CREB3L1: variants seen among roughly 807,000 people sequenced by gnomAD.
CREB3L1 encodes the protein cyclic AMP-responsive element-binding protein 3-like protein 1.
CREB3L1 carries 33 observed loss-of-function variants against 54.5 expected under a neutral mutation model. That is an observed-to-expected ratio of 0.61 (90% CI 0.46 to 0.81). The LOEUF (loss-of-function observed/expected upper bound fraction) is 0.81, where lower values mean the gene tolerates loss of function less well. Among genes scored for constraint, CREB3L1 ranks in the 30% least tolerant of loss-of-function variants. The pLI is 0.00. For missense variants in CREB3L1, 656 were observed against 673.3 expected (o/e 0.97, Z 0.29); for synonymous variants, 284 against 286.4 (o/e 0.99, Z 0.08).
chr11:46,294,470 T>C (rs541322094), intron 1 of CREB3L1, among the ~76,000 whole-genome samples: 2 of 152,264 alleles, frequency 1.3e-5, no homozygotes, highest in African/African-American at 4.8e-5. Context: ...ACACAGACTG[T>C]AATGGATGAG....
intron 8 of CREB3L1, among the ~76,000 whole-genome samples, chr11:46,313,485 G>A (rs748522441): frequency 6.6e-6 from 1 of 152,088 alleles, no homozygotes; most frequent in African/African-American, 2.4e-5. Context: ...TTAGGAGTTC[G>A]AGACCAGACT....
At position 46,321,021 on chromosome 11, in the gene CREB3L1, G is replaced by A. The variant is rs564182031; in HGVS notation, c.*275G>A. The A allele has an allele frequency of 1.1e-4, 67 of 613,810 alleles. No individual in the cohort carries two copies. The highest frequency in any genetic ancestry group is 1.0e-3 in the African/African-American group (55 of 55,112). 38.0% of individuals were successfully genotyped at this position (613,810 alleles called of 1,614,324 possible). A position where few individuals can be genotyped will look rare whatever the true frequency, so the allele number is the denominator to read the frequency against. On this transcript the variant is annotated 3_prime_UTR_variant, in exon 12 of 12. Coordinates refer to ENST00000621158, the MANE Select transcript of CREB3L1 (RefSeq NM_052854.4). ...ACCTCCTCTCTCATATGCCCAACAC[G>A]ACCACTGCCTCCCTGCCCCCACACC...
At position 46,281,480 on chromosome 11, in the gene CREB3L1, G is replaced by A. The variant is rs1047910675; in HGVS notation, c.102+3267G>A. 3.7e-4 allele frequency among the ~76,000 whole-genome samples: 56 copies of A among 152,364 alleles called. No homozygotes were observed. The Middle Eastern group carries it at 0.01, about 28-fold the overall frequency. On this transcript the variant is annotated intron_variant, in intron 1 of 11. Coordinates refer to ENST00000621158, the MANE Select transcript of CREB3L1 (RefSeq NM_052854.4). ...AGCTGGGAGGGTGTGGGGAGGAGAAGGAGGAGGAAGAAAAGGTCTGTTTTC... is the reference window on the plus strand; with the variant it reads ...AGCTGGGAGGGTGTGGGGAGGAGAAAGAGGAGGAAGAAAAGGTCTGTTTTC...
intron 1 of CREB3L1, among the ~76,000 whole-genome samples, chr11:46,287,790 A>G (rs563616001): frequency 1.6e-4 from 24 of 152,122 alleles, no homozygotes; most frequent in Admixed American, 2.6e-4. Context: ...AGCCTGACCA[A>G]CATGGTGAAA....
Position 46,278,824 on chromosome 11 carries a change from T to A in CREB3L1, c.102+611T>A, listed in dbSNP as rs1938922021. Among the ~76,000 whole-genome samples the A allele has an allele frequency of 6.6e-6, 1 of 152,154 alleles. No homozygotes were observed. The highest frequency in any genetic ancestry group is 1.5e-5 in the Non-Finnish European group (1 of 68,012). ...GCTCAGGAGGAGGGAGCCATTTCTC[T>A]CCATCTGCCTCTAGATCTCTGCTCT... On this transcript the variant is annotated intron_variant, in intron 1 of 11. Transcript: ENST00000621158. This position sits in a 1 kb window ranked among gnomAD's most constrained non-coding sequence, Gnocchi z 4.2.
intron 1 of CREB3L1, among the ~76,000 whole-genome samples, chr11:46,297,592 G>T (rs1003486375): frequency 1.3e-5 from 2 of 151,882 alleles, no homozygotes; most frequent in African/African-American, 4.8e-5. Flanking sequence ...CATTTGTCTT[G>T]TCTCATTGGA....
At chr11:46,319,694 C>T (rs1939618434) in intron 10 of CREB3L1, among the ~76,000 whole-genome samples, 1 of 152,048 alleles carries the variant, frequency 6.6e-6, no homozygotes, top group South Asian at 2.1e-4. Context: ...GCCTGGCCAA[C>T]ATGGTGAAAC....
At chr11:46,311,802 T>C (rs1301610365) in intron 5 of CREB3L1, among the ~76,000 whole-genome samples, 2 of 152,184 alleles carry the variant, frequency 1.3e-5, no homozygotes, top group Admixed American at 6.5e-5. Flanking sequence ...GGTCAGGAAT[T>C]CAAATCCTTT....
At chr11:46,309,790 C>T in intron 3 of CREB3L1, among the ~76,000 whole-genome samples, 199 bp from the exon 4 acceptor site, 1 of 152,222 alleles carries the variant, frequency 6.6e-6, no homozygotes, top group East Asian at 1.9e-4. Flanking sequence ...GCCAGCAATC[C>T]TTTCTCTTAG....
At chr11:46,309,869 G>A in intron 3 of CREB3L1, 120 bp from the exon 4 acceptor site, 2 of 748,896 alleles carry the variant, frequency 2.7e-6, no homozygotes, top group Non-Finnish European at 4.5e-6. Context: ...AGAACTCCAA[G>A]CCCAGCCACT....
intron 10 of CREB3L1, among the ~76,000 whole-genome samples, chr11:46,317,967 C>T (rs1939590986): frequency 6.6e-6 from 1 of 152,178 alleles, no homozygotes; most frequent in Admixed American, 6.5e-5. Flanking sequence ...CCTGTAATCC[C>T]AGCACTTTGG....
chr11:46,305,212 T>C (rs1939362464), intron 2 of CREB3L1, among the ~76,000 whole-genome samples: 1 of 152,142 alleles, frequency 6.6e-6, no homozygotes, highest in African/African-American at 2.4e-5. Context: ...AGTGGAAGAC[T>C]GTGGGCACCC....
intron 1 of CREB3L1, among the ~76,000 whole-genome samples, chr11:46,287,540 A>G (rs1404136043): frequency 6.6e-6 from 1 of 151,848 alleles, no homozygotes; most frequent in Non-Finnish European, 1.5e-5. Flanking sequence ...AGCTCAAGCG[A>G]TCCTCCCTCC....
intron 3 of CREB3L1, among the ~76,000 whole-genome samples, chr11:46,308,643 C>T (rs1939438755): frequency 6.6e-6 from 1 of 152,226 alleles, no homozygotes; most frequent in Non-Finnish European, 1.5e-5. Context: ...CTCATGAACC[C>T]CCTAAGGTGC....
intron 1 of CREB3L1, among the ~76,000 whole-genome samples, chr11:46,282,587 C>G (rs1157092867): frequency 6.6e-6 from 1 of 152,220 alleles, no homozygotes; most frequent in Non-Finnish European, 1.5e-5. Flanking sequence ...TTCCCCCAGT[C>G]TGTCCATCTC....
At chr11:46,305,862 C>T (rs558732899) in intron 2 of CREB3L1, among the ~76,000 whole-genome samples, 187 of 150,674 alleles carry the variant, frequency 1.2e-3, no homozygotes, top group African/African-American at 4.3e-3. Flanking sequence ...CTCAGCGTCC[C>T]GAGTAGCTGG....
intron 2 of CREB3L1, among the ~76,000 whole-genome samples, chr11:46,307,437 A>C (rs1010916658): frequency 3.9e-5 from 6 of 152,144 alleles, no homozygotes; most frequent in Admixed American, 3.3e-4. Flanking sequence ...TCACAGTGTT[A>C]AGTGTCTTAT....
At chr11:46,311,226 G>C (rs148174469) in intron 5 of CREB3L1, 37 bp downstream of exon 5, 12 of 1,500,132 alleles carry the variant, frequency 8.0e-6, no homozygotes, top group Non-Finnish European at 9.8e-6. Flanking sequence ...CAGAAATGAG[G>C]AATTGAATAC....
At chr11:46,280,402 G>A (rs981263376) in intron 1 of CREB3L1, among the ~76,000 whole-genome samples, 1 of 151,952 alleles carries the variant, frequency 6.6e-6, no homozygotes, top group Non-Finnish European at 1.5e-5. Context: ...GTGTTAGCCA[G>A]GATGGTCTTG....
Sources: allele counts gnomAD v4.1 joint callset (sites outside exome capture counted in the v4.1 genomes callset), GRCh38; gene constraint gnomAD v4.1.1; non-coding constraint Gnocchi (gnomAD v3.1); transcripts MANE v1.5; gene names NCBI Gene and HGNC (gene_info 2026-07-23, HGNC 2026-07-21).